Variants in TOGARAM1 observed in about 807,000 individuals in gnomAD.
TOGARAM1 encodes the protein TOG array regulator of axonemal microtubules 1, also known as TOG array regulator of axonemal microtubules protein 1.
Under a neutral mutation model 166.6 loss-of-function variants are expected in TOGARAM1, and 100 were observed. That is an observed-to-expected ratio of 0.60 (90% confidence interval 0.51 to 0.71). TOGARAM1 has a LOEUF of 0.71. TOGARAM1 is among the 30% of genes least tolerant of loss of function. The pLI, the probability that TOGARAM1 is intolerant of heterozygous loss-of-function variation, is 0.00. For synonymous variants in TOGARAM1, 758 were observed against 763.8 expected (o/e 0.99, Z 0.13); for missense variants, 2,029 against 2,102.7 (o/e 0.96, Z 0.69).
At chr14:45,010,809 T>TG (rs1204835917) in intron 6 of TOGARAM1, among the ~76,000 whole-genome samples, 1 of 152,204 alleles carries the variant, frequency 6.6e-6, no homozygotes, top group Non-Finnish European at 1.5e-5. Context: ...TTAGGTGGGT[T>TG]GGGGAGGAAA....
In TOGARAM1 at chr14:44,963,742, G is replaced by A; in HGVS notation, c.1321G>A (p.Val441Ile). 6.2e-7 allele frequency: 1 copy of A among 1,613,962 alleles called. No individual in the cohort carries two copies. Among genetic ancestry groups the A allele is most frequent in the Non-Finnish European group, 8.5e-7 (1 of 1,179,884 alleles). ...CTTGGGACCAGTTATAGCAGCTTCT[G>A]TCAAAGTGCTGGCGGACAACAAGTT... ...QFLGPVIAAS[V>I]KVLADNKLVI... Residue 441 changes from valine (V) to isoleucine (I), a missense_variant, in exon 1 of 20, where the codon GTC becomes ATC. This residue lies in a region of TOGARAM1 where 1,453 missense variants were observed against 1,432.2 expected (regional missense o/e 1.01). Transcript: ENST00000361462.
Position 45,059,713 on chromosome 14 carries a change from C to T in TOGARAM1, c.4559+5164C>T, listed in dbSNP as rs538631115. 1.1e-4 allele frequency among the ~76,000 whole-genome samples: 17 copies of T among 151,968 alleles called. No homozygotes were observed. In the East Asian group the frequency reaches 2.9e-3, roughly 26 times the overall value. ...AAACAAACACTATTGAAAAATTATACGAATACATCATATTCATAGTATACA... is the reference window on the plus strand; with the variant it reads ...AAACAAACACTATTGAAAAATTATATGAATACATCATATTCATAGTATACA... On this transcript the variant is annotated intron_variant, in intron 16 of 19. Transcript: ENST00000361462.
chr14:45,055,304 G>T (rs1882575100), intron 16 of TOGARAM1, among the ~76,000 whole-genome samples: 1 of 152,154 alleles, frequency 6.6e-6, no homozygotes, highest in African/African-American at 2.4e-5. Context: ...TGAAAAGAGT[G>T]CTCTTTCCTC....
intron 6 of TOGARAM1, among the ~76,000 whole-genome samples, chr14:45,009,496 A>G (rs1879667643): frequency 6.6e-6 from 1 of 152,120 alleles, no homozygotes; most frequent in Non-Finnish European, 1.5e-5. Flanking sequence ...TATAGCTAAT[A>G]TTACTGCTTT....
chr14:45,070,910 C>CTGTTGTTGTTGT, intron 18 of TOGARAM1, among the ~76,000 whole-genome samples: 1 of 151,646 alleles, frequency 6.6e-6, no homozygotes, highest in Admixed American at 6.6e-5. Context: ...TTCCCTTTTT[C>CTGTTGTTGTTGT]TGTTGTTGTT....
intron 16 of TOGARAM1, among the ~76,000 whole-genome samples, chr14:45,063,403 G>C (rs1163866337): frequency 6.6e-6 from 1 of 151,668 alleles, no homozygotes; most frequent in Non-Finnish European, 1.5e-5. Context: ...TAGTGTAAAA[G>C]GGTTCAATTT....
At position 44,962,338 on chromosome 14, in the gene TOGARAM1, G is replaced by C; in HGVS notation, c.-84G>C. 5.5e-6 allele frequency: 8 copies of C among 1,446,288 alleles called. No homozygotes were observed. The highest frequency in any genetic ancestry group is 7.3e-6 in the Non-Finnish European group (8 of 1,096,800). 89.6% of individuals were successfully genotyped at this position (1,446,288 alleles called of 1,614,324 possible). A position where few individuals can be genotyped will look rare whatever the true frequency, so the allele number is the denominator to read the frequency against. On this transcript the variant is annotated 5_prime_UTR_variant, in exon 1 of 20. Coordinates refer to ENST00000361462, the MANE Select transcript of TOGARAM1 (RefSeq NM_001308120.2). ...TGCCTCTTCTGCAGCTTGGGGCTTG[G>C]AGAGGATCTGGAAGTCTGGGCTCCA...
intron 19 of TOGARAM1, among the ~76,000 whole-genome samples, chr14:45,072,931 A>C (rs1330306689): frequency 6.6e-6 from 1 of 152,222 alleles, no homozygotes; most frequent in Non-Finnish European, 1.5e-5. Context: ...AAGACATTAA[A>C]ATCAAATTTT....
chr14:45,000,288 T>C (rs1887636425), intron 3 of TOGARAM1, among the ~76,000 whole-genome samples: 1 of 152,158 alleles, frequency 6.6e-6, no homozygotes, highest in South Asian at 2.1e-4. Context: ...CATGAGCCAC[T>C]GTGCCCGGCC....
At chr14:45,053,919 G>A (rs139258381) in intron 15 of TOGARAM1, among the ~76,000 whole-genome samples, 99 of 151,828 alleles carry the variant, frequency 6.5e-4, no homozygotes, top group Non-Finnish European at 1.3e-3. Context: ...ATGCTCTGTC[G>A]CTCAGGCTGG....
intron 1 of TOGARAM1, among the ~76,000 whole-genome samples, chr14:44,973,853 G>A (rs1262564777): frequency 6.6e-6 from 1 of 150,812 alleles, no homozygotes; most frequent in South Asian, 2.1e-4. Context: ...TCTTTGTATG[G>A]TTTCTGAGAA....
intron 1 of TOGARAM1, among the ~76,000 whole-genome samples, chr14:44,968,869 A>G (rs1885711411): frequency 6.6e-6 from 1 of 152,172 alleles, no homozygotes; most frequent in African/African-American, 2.4e-5. Flanking sequence ...TCATAACAAT[A>G]GTTTCAGTGC....
intron 7 of TOGARAM1, among the ~76,000 whole-genome samples, chr14:45,013,504 A>G (rs17634474): frequency 0.11 from 17,290 of 152,234 alleles, 1,128 homozygotes; most frequent in Middle Eastern, 0.29. Context: ...AAGACAGTAT[A>G]TAAGTGCTTT....
chr14:44,999,549 G>T, intron 3 of TOGARAM1, 52 bp downstream of exon 3: 2 of 1,432,664 alleles, frequency 1.4e-6, no homozygotes, highest in African/African-American at 1.4e-5. Context: ...TATTATGTGG[G>T]GATTCCAACA....
chr14:45,031,485 C>A (rs1049439334), intron 10 of TOGARAM1, among the ~76,000 whole-genome samples: 19 of 152,114 alleles, frequency 1.2e-4, no homozygotes, highest in Admixed American at 6.5e-5. Flanking sequence ...AATTCTATAT[C>A]GATAGAGAAA....
intron 15 of TOGARAM1, among the ~76,000 whole-genome samples, chr14:45,054,200 T>TA (rs1205963179): frequency 6.6e-6 from 1 of 152,178 alleles, no homozygotes; most frequent in Non-Finnish European, 1.5e-5. Flanking sequence ...TTTTAGTTTT[T>TA]AACTCGTTTT....
intron 12 of TOGARAM1, among the ~76,000 whole-genome samples, chr14:45,044,419 T>C (rs1881878297): frequency 6.6e-6 from 1 of 152,028 alleles, no homozygotes; most frequent in Non-Finnish European, 1.5e-5. Context: ...TGTGCATCTG[T>C]AATCCTAGCT....
intron 11 of TOGARAM1, among the ~76,000 whole-genome samples, chr14:45,033,976 A>C (rs1378966966): frequency 2.0e-5 from 3 of 152,140 alleles, no homozygotes; most frequent in African/African-American, 7.2e-5. Context: ...CAACATGGTA[A>C]AACCTTGTCT....
chr14:45,047,014 G>T (rs1467970998), intron 14 of TOGARAM1, among the ~76,000 whole-genome samples: 1 of 152,154 alleles, frequency 6.6e-6, no homozygotes, highest in African/African-American at 2.4e-5. Flanking sequence ...TTCATTATGG[G>T]CAAATGTAAG....
Sources: gnomAD v4.1 joint callset for allele counts (sites outside exome capture counted in the v4.1 genomes callset) on GRCh38, gnomAD v4.1.1 for gene constraint, gnomAD v4.1.1 regional missense constraint, MANE v1.5 for transcripts, NCBI Gene and HGNC (gene_info 2026-07-23, HGNC 2026-07-21) for gene names.